DGKI: variants seen among roughly 807,000 people sequenced by gnomAD.
DGKI encodes diacylglycerol kinase iota, also known as DAG kinase iota.
DGKI carries 55 observed loss-of-function variants against 147.5 expected under a neutral mutation model. The ratio of observed to expected loss-of-function variants is 0.37; its 90% CI spans 0.30 to 0.47. DGKI has a LOEUF of 0.47. Among genes scored for constraint, DGKI ranks in the 20% least tolerant of loss-of-function variants. The pLI is 1.00. For missense variants in DGKI, 1,007 were observed against 1,323.8 expected (o/e 0.76, Z 3.71); for synonymous variants, 469 against 477.1 (o/e 0.98, Z 0.22).
chr7:137,838,657 A>G (rs1798457690), intron 1 of DGKI, among the ~76,000 whole-genome samples: 1 of 152,184 alleles, frequency 6.6e-6, no homozygotes, highest in Non-Finnish European at 1.5e-5. Context: ...AAGCAGTCCA[A>G]CTGTCTTATC....
At position 137,385,851 on chromosome 7, in the gene DGKI, C is replaced by G. The variant is rs1380229395; in HGVS notation, c.*5369G>C. The G allele has an allele frequency of 1.3e-5, 2 of 152,100 alleles. No individual in the cohort carries two copies. Among genetic ancestry groups the G allele is most frequent in the South Asian group, 2.1e-4 (1 of 4,828 alleles). 9.4% of individuals were successfully genotyped at this position (152,100 alleles called of 1,614,324 possible). ...GAATTTCCAGCCCATGCTGGACACCCTGGGGTTCTCCTGCACTGCACTTAT... is the reference window on the plus strand; with the variant it reads ...GAATTTCCAGCCCATGCTGGACACCGTGGGGTTCTCCTGCACTGCACTTAT... On this transcript the variant is annotated 3_prime_UTR_variant, in exon 33 of 33. Transcript: ENST00000614521.
At position 137,585,115 on chromosome 7, in the gene DGKI, T is replaced by G. The variant is rs190666625; in HGVS notation, c.1563+94A>C. On this transcript the variant is annotated intron_variant, in intron 14 of 32. Coordinates refer to ENST00000614521, the MANE Select transcript of DGKI (RefSeq NM_001321708.2). ...TATTATCACATTATCTCATAGGAAT[T>G]CATCAGCACATGACTCTCCAGCCAG... 2.4e-5 allele frequency: 33 copies of G among 1,395,784 alleles called. No individual in the cohort carries two copies. The Admixed American group carries it at 6.1e-4, about 26-fold the overall frequency. The allele number at this position is 1,395,784 out of a possible 1,614,324, so 86.5% of individuals were successfully genotyped here.
intron 1 of DGKI, among the ~76,000 whole-genome samples, chr7:137,810,562 T>C (rs1418995910): frequency 1.3e-5 from 2 of 152,178 alleles, no homozygotes; most frequent in African/African-American, 4.8e-5. Context: ...TGGATCATTG[T>C]GTTAGTCGAG....
chr7:137,817,995 T>C (rs1427537799), intron 1 of DGKI, among the ~76,000 whole-genome samples: 1 of 152,204 alleles, frequency 6.6e-6, no homozygotes, highest in Non-Finnish European at 1.5e-5. Flanking sequence ...GGCTTCACCA[T>C]TACTTGGCTA....
chr7:137,639,466 C>G (rs1821543853), intron 6 of DGKI, among the ~76,000 whole-genome samples: 1 of 152,122 alleles, frequency 6.6e-6, no homozygotes, highest in Non-Finnish European at 1.5e-5. Context: ...TTTTTGGGAC[C>G]ATGTCCCCCA....
At chr7:137,758,070 C>T (rs1329539490) in intron 1 of DGKI, among the ~76,000 whole-genome samples, 1 of 152,170 alleles carries the variant, frequency 6.6e-6, no homozygotes, top group Non-Finnish European at 1.5e-5. Flanking sequence ...GCAAAAGAAC[C>T]TTCTTTTTCC....
intron 1 of DGKI, among the ~76,000 whole-genome samples, chr7:137,771,276 A>G (rs1415342122): frequency 6.6e-6 from 1 of 152,060 alleles, no homozygotes; most frequent in Non-Finnish European, 1.5e-5. Flanking sequence ...TTTTTAGTAG[A>G]GATGGGGTTT....
chr7:137,709,915 A>G (rs754527938), intron 1 of DGKI, among the ~76,000 whole-genome samples: 2 of 152,122 alleles, frequency 1.3e-5, no homozygotes, highest in Admixed American at 1.3e-4. Context: ...TTTAATAAGG[A>G]CAATCATGAT....
intron 5 of DGKI, among the ~76,000 whole-genome samples, chr7:137,646,191 A>C (rs1048419604): frequency 6.6e-6 from 1 of 152,234 alleles, no homozygotes; most frequent in Admixed American, 6.5e-5. Flanking sequence ...CAGACACTAT[A>C]CCAAACATTC....
intron 6 of DGKI, among the ~76,000 whole-genome samples, chr7:137,636,871 T>G (rs1051368184): frequency 9.9e-5 from 15 of 152,174 alleles, no homozygotes; most frequent in African/African-American, 2.9e-4. Flanking sequence ...CCATGTGATC[T>G]CTACACTCAG....
intron 5 of DGKI, among the ~76,000 whole-genome samples, chr7:137,647,910 T>A (rs934557726): frequency 6.6e-6 from 1 of 152,154 alleles, no homozygotes; most frequent in Admixed American, 6.5e-5. Flanking sequence ...ATTTTACAGA[T>A]AAGGAAACTA....
At chr7:137,405,608 T>C (rs776578013) in intron 30 of DGKI, among the ~76,000 whole-genome samples, 22 of 152,222 alleles carry the variant, frequency 1.4e-4, no homozygotes, top group Non-Finnish European at 2.6e-4. Flanking sequence ...CAGTGGAATC[T>C]GTTTCCCAAC....
intron 6 of DGKI, among the ~76,000 whole-genome samples, chr7:137,638,500 ATGT>A (rs1821443301): frequency 8.4e-6 from 1 of 119,354 alleles, no homozygotes. Flanking sequence ...ACACATATAT[ATGT>A]ATATATATGT....
chr7:137,666,906 G>A (rs1049934627), intron 3 of DGKI, among the ~76,000 whole-genome samples: 4 of 152,102 alleles, frequency 2.6e-5, no homozygotes, highest in African/African-American at 9.7e-5. Flanking sequence ...TCTGTACTTT[G>A]TTGCCCTTGT....
rs529350247 is a variant in DGKI, at chr7:137,621,568, A to G, written c.877-1628T>C. 3.1e-4 allele frequency among the ~76,000 whole-genome samples: 47 copies of G among 152,364 alleles called. 3 individuals are homozygous for G. The South Asian group carries it at 8.1e-3, about 26-fold the overall frequency. ...AGGGGTTCACCTGGACTGTGAAAAC[A>G]TATCAACCGCTGTAATTTGTGTTCA... On this transcript the variant is annotated intron_variant, in intron 7 of 32. Transcript: ENST00000614521.
At chr7:137,572,708 G>A (rs1377510663) in intron 18 of DGKI, 57 bp downstream of exon 18, 6 of 1,214,616 alleles carry the variant, frequency 4.9e-6, no homozygotes, top group Non-Finnish European at 7.0e-6. Context: ...TATGAAAACA[G>A]ATAACCTCAA....
intron 20 of DGKI, among the ~76,000 whole-genome samples, chr7:137,531,699 A>G (rs949304002): frequency 3.9e-5 from 6 of 152,246 alleles, no homozygotes; most frequent in African/African-American, 1.4e-4. Flanking sequence ...AGGATTTGCA[A>G]TCACAAACAG....
chr7:137,829,665 T>C (rs1282253692), intron 1 of DGKI, among the ~76,000 whole-genome samples: 1 of 152,216 alleles, frequency 6.6e-6, no homozygotes, highest in East Asian at 1.9e-4. Context: ...GCCCACTGTA[T>C]TGAACGGCAT....
intron 1 of DGKI, among the ~76,000 whole-genome samples, chr7:137,729,035 T>C (rs1794793768): frequency 6.6e-6 from 1 of 152,054 alleles, no homozygotes. Context: ...AATTCTGGCC[T>C]AGAGAAGATA....
Sources: allele counts gnomAD v4.1 joint callset (sites outside exome capture counted in the v4.1 genomes callset), GRCh38; gene constraint gnomAD v4.1.1; transcripts MANE v1.5; gene names NCBI Gene and HGNC (gene_info 2026-07-23, HGNC 2026-07-21).